The following RNF130 variants were observed in gnomAD, a reference collection of about 807,000 sequenced individuals.
RNF130 encodes the protein ring finger protein 130, also known as E3 ubiquitin-protein ligase RNF130.
RNF130 carries 21 observed loss-of-function variants against 44.6 expected under a neutral mutation model. The ratio of observed to expected loss-of-function variants is 0.47; its 90% CI spans 0.33 to 0.68. RNF130 has a LOEUF of 0.68. RNF130 is among the 30% of genes least tolerant of loss of function. The pLI is 0.02. For missense variants in RNF130, 479 were observed against 560.6 expected (o/e 0.85, Z 1.47); for synonymous variants, 214 against 210.4 (o/e 1.02, Z -0.15).
rs1329491875 is a variant in RNF130 at position 179,966,880 on chromosome 5, G to A, written c.1076C>T (p.Thr359Ile). The change falls in exon 7 of 9, where the codon ACT (threonine) becomes ATT (isoleucine). Residue 359 changes from threonine (T) to isoleucine (I), a missense_variant. Physicochemically the swap from Thr to Ile is moderately conservative, Grantham distance 89. Transcript: ENST00000521389. ...CTGAGGAAGAGGTGAGATCCCCGAA[G>A]TTCGAAGTGGCTCAAGGCCAAGGGA... ...DNSLGLEPLR[T>I]SGISPLPQDG... 6.2e-7 allele frequency: 1 copy of A among 1,614,230 alleles called. No individual in the cohort carries two copies. The highest frequency in any genetic ancestry group is 2.2e-5 in the East Asian group (1 of 44,872).
At chr5:179,966,145 G>A (rs966437919) in intron 7 of RNF130, among the ~76,000 whole-genome samples, 1 of 152,192 alleles carries the variant, frequency 6.6e-6, no homozygotes, top group Admixed American at 6.5e-5. Flanking sequence ...ACACCGTCCT[G>A]AGGCACCGCC....
At chr5:180,050,979 T>C (rs1041789600) in intron 1 of RNF130, among the ~76,000 whole-genome samples, 3 of 151,928 alleles carry the variant, frequency 2.0e-5, no homozygotes, top group African/African-American at 7.3e-5. Flanking sequence ...AATTTTTGTA[T>C]TTACCCCAAC....
At position 179,998,784 on chromosome 5, in the gene RNF130, T is replaced by C. The variant is rs370574695; in HGVS notation, c.693+14277A>G. On this transcript the variant is annotated intron_variant, in intron 3 of 8. Coordinates refer to ENST00000521389, the MANE Select transcript of RNF130 (RefSeq NM_018434.6). ...TTTTCTGTCTAGATGATCTGTCTAA[T>C]GCTAAGAGTGGGGTGTTGAATTCCC... Among the ~76,000 whole-genome samples the C allele has an allele frequency of 2.7e-5, 4 of 149,850 alleles. No homozygotes were observed. In the East Asian group the frequency reaches 5.9e-4, roughly 22 times the overall value.
rs71001060 is a variant in RNF130 at position 179,933,398 on chromosome 5, T to TTGTGTGTG, written c.1151-12980_1151-12973dup. 3.9e-3 allele frequency among the ~76,000 whole-genome samples: 561 copies of TTGTGTGTG among 143,496 alleles called. 5 individuals carry two copies. Among genetic ancestry groups the TTGTGTGTG allele is most frequent in the Non-Finnish European group, 4.7e-3 (311 of 66,444 alleles). 94.1% of individuals were successfully genotyped at this position (143,496 alleles called of 152,430 possible). On this transcript the variant is annotated intron_variant, in intron 7 of 7. Transcript: ENST00000522208. ...ACTAACAATGTTCTCATAACCCTAT[T>TTGTGTGTG]TGTGTGTGTGTGTGTGTGTGTGTGA...
At chr5:180,037,396 A>G (rs768937641) in intron 2 of RNF130, among the ~76,000 whole-genome samples, 5 of 152,338 alleles carry the variant, frequency 3.3e-5, no homozygotes, top group South Asian at 2.1e-4. Context: ...GGCCCTCCAC[A>G]GAGTCTAGAT....
At chr5:179,968,163 C>T (rs538215839) in intron 6 of RNF130, among the ~76,000 whole-genome samples, 15 of 152,048 alleles carry the variant, frequency 9.9e-5, no homozygotes, top group Admixed American at 7.9e-4. Context: ...GGCATGGTGG[C>T]GGGTGCCTGT....
At chr5:179,952,048 T>G (rs1240755210), downstream of RNF130, among the ~76,000 whole-genome samples, 5 of 151,602 alleles carry the variant, frequency 3.3e-5, no homozygotes, top group African/African-American at 2.4e-5. Flanking sequence ...AAGATTTGAG[T>G]AAGGCCAGGT....
intron 7 of RNF130, among the ~76,000 whole-genome samples, chr5:179,923,629 G>A (rs1761664143): frequency 6.6e-6 from 1 of 152,180 alleles, no homozygotes; most frequent in African/African-American, 2.4e-5. Flanking sequence ...GGCAAAGGCT[G>A]AGCTTCACCC....
At chr5:180,066,602 G>T (rs1181911294) in intron 1 of RNF130, among the ~76,000 whole-genome samples, 1 of 152,058 alleles carries the variant, frequency 6.6e-6, no homozygotes, top group Non-Finnish European at 1.5e-5. Context: ...AATTAGCCAG[G>T]TATCGGGCAG....
At chr5:179,954,527 A>G (rs1390572261), downstream of RNF130, among the ~76,000 whole-genome samples, 2 of 152,226 alleles carry the variant, frequency 1.3e-5, no homozygotes, top group Non-Finnish European at 2.9e-5. Context: ...AGGCAAATCC[A>G]TAGAAACAAT....
chr5:180,033,471 C>T (rs572352989), intron 2 of RNF130, among the ~76,000 whole-genome samples: 8 of 152,222 alleles, frequency 5.3e-5, no homozygotes, highest in Non-Finnish European at 7.3e-5. Flanking sequence ...TGCCTGTAAT[C>T]GCAACACTTT....
intron 1 of RNF130, among the ~76,000 whole-genome samples, chr5:180,070,767 A>G (rs1765235174): frequency 2.0e-5 from 3 of 152,252 alleles, no homozygotes; most frequent in African/African-American, 7.2e-5. Flanking sequence ...ATAGGAAAAC[A>G]TGACATTAAG....
intron 3 of RNF130, chr5:179,980,465 T>C (rs62404971): frequency 2.5e-6 from 1 of 399,880 alleles, no homozygotes; most frequent in African/African-American, 2.0e-5. Flanking sequence ...GTAAAAAAGT[T>C]AGGTGTCATA....
At chr5:180,008,913 A>G (rs1241140350) in intron 3 of RNF130, among the ~76,000 whole-genome samples, 1 of 152,112 alleles carries the variant, frequency 6.6e-6, no homozygotes, top group African/African-American at 2.4e-5. Context: ...TAAAATATCT[A>G]AACTACTGGA....
chr5:179,941,625 A>G (rs1761969733), intron 7 of RNF130, among the ~76,000 whole-genome samples: 1 of 152,236 alleles, frequency 6.6e-6, no homozygotes, highest in Admixed American at 6.5e-5. Flanking sequence ...CAAGAAAAAA[A>G]GTAGTGTTGA....
At chr5:179,943,810 G>A (rs1761997039) in intron 7 of RNF130, among the ~76,000 whole-genome samples, 1 of 152,132 alleles carries the variant, frequency 6.6e-6, no homozygotes, top group Admixed American at 6.6e-5. Context: ...TTCCTGAGTT[G>A]CAACATGTTG....
rs544182416 is a variant in RNF130, at chr5:179,946,749, C to T, written c.1150+20057G>A. Among the ~76,000 whole-genome samples, 39 of 152,040 alleles carry T rather than the reference C, an allele frequency of 2.6e-4. No homozygotes were observed. In the South Asian group the frequency reaches 3.3e-3, roughly 13 times the overall value. Reference sequence around the variant, plus strand: ...TTTTGTATTTTTAGTAGAGACGGGGCTTCACCGTGTTAGCCAGGATGGTCT... The same window carrying T: ...TTTTGTATTTTTAGTAGAGACGGGGTTTCACCGTGTTAGCCAGGATGGTCT... On this transcript the variant is annotated intron_variant, in intron 7 of 7. Transcript: ENST00000522208.
intron 3 of RNF130, among the ~76,000 whole-genome samples, chr5:180,003,293 C>T (rs1401247509): frequency 6.6e-6 from 1 of 152,130 alleles, no homozygotes; most frequent in Non-Finnish European, 1.5e-5. Context: ...CCTGCCATCA[C>T]ACTGCATTAT....
At position 179,959,245 on chromosome 5, in the gene RNF130, C is replaced by T. The variant is rs772471683; in HGVS notation, c.1245-3576G>A. 3.3e-5 allele frequency among the ~76,000 whole-genome samples: 5 copies of T among 152,246 alleles called. No homozygotes were observed. The East Asian group carries it at 7.7e-4, about 23-fold the overall frequency. On this transcript the variant is annotated intron_variant, in intron 8 of 8. Coordinates refer to ENST00000521389, the MANE Select transcript of RNF130 (RefSeq NM_018434.6). Reference sequence around the variant, plus strand: ...ACCTGGAAACAGCTCTCATCTTACCCGGTCCCCTCTCTTCCAAACCAAGCA... The same window carrying T: ...ACCTGGAAACAGCTCTCATCTTACCTGGTCCCCTCTCTTCCAAACCAAGCA...
Sources: allele counts gnomAD v4.1 joint callset (sites outside exome capture counted in the v4.1 genomes callset), GRCh38; gene constraint gnomAD v4.1.1; transcripts MANE v1.5; gene names NCBI Gene and HGNC (gene_info 2026-07-23, HGNC 2026-07-21).